DLGAP2: variants seen among roughly 807,000 people sequenced by gnomAD.
The protein encoded by DLGAP2 is DLG associated protein 2.
DLGAP2 carries 26 observed loss-of-function variants against 100.3 expected under a neutral mutation model. That is an observed-to-expected ratio of 0.26 (90% CI 0.19 to 0.36). The LOEUF is 0.36. Among genes scored for constraint, DLGAP2 ranks in the 10% least tolerant of loss-of-function variants. DLGAP2 has a pLI of 1.00. For missense variants in DLGAP2, 1,858 were observed against 1,453.2 expected, an observed-to-expected ratio of 1.28 and a Z score of -4.53; for synonymous variants, 886 against 630.1, an observed-to-expected ratio of 1.41 and a Z score of -6.08.
At chr8:1,537,733 GGAAGGAA>G (rs1801203461) in intron 4 of DLGAP2, among the ~76,000 whole-genome samples, 1 of 15,774 alleles carries the variant, frequency 6.3e-5, no homozygotes, top group Non-Finnish European at 1.5e-4. Flanking sequence ...AAGGATGGAA[GGAAGGAA>G]GGAAGGAAGG....
At chr8:744,969 C>A (rs929993622) in intron 1 of DLGAP2, among the ~76,000 whole-genome samples, 1 of 152,128 alleles carries the variant, frequency 6.6e-6, no homozygotes, top group Non-Finnish European at 1.5e-5. Flanking sequence ...GCAGAGATGG[C>A]GGGAAGGGGT....
chr8:786,103 G>A (rs1821855002), intron 1 of DLGAP2, among the ~76,000 whole-genome samples: 1 of 152,218 alleles, frequency 6.6e-6, no homozygotes, highest in African/African-American at 2.4e-5. Flanking sequence ...GCCCCTTTGC[G>A]AAACACCCAT....
At chr8:1,516,785 CAGTG>C (rs935067200) in intron 4 of DLGAP2, among the ~76,000 whole-genome samples, 21 of 151,862 alleles carry the variant, frequency 1.4e-4, no homozygotes, top group South Asian at 6.3e-4. Flanking sequence ...GTGAGTGAAT[CAGTG>C]AGTGAGTGAG....
chr8:1,526,864 C>A (rs1392333349), intron 4 of DLGAP2, among the ~76,000 whole-genome samples: 1 of 152,198 alleles, frequency 6.6e-6, no homozygotes, highest in East Asian at 1.9e-4. Flanking sequence ...GGGCAGCCCT[C>A]CTGCAGCAGA....
chr8:1,407,700 C>T (rs1474481957), intron 3 of DLGAP2, among the ~76,000 whole-genome samples: 2 of 118,354 alleles, frequency 1.7e-5, no homozygotes, highest in African/African-American at 3.2e-5. Context: ...ACCTCCTCAT[C>T]CTCCAGAGTC....
chr8:1,388,101 CCG>C (rs1796260635), intron 3 of DLGAP2, among the ~76,000 whole-genome samples: 3 of 99,512 alleles, frequency 3.0e-5, no homozygotes, highest in Non-Finnish European at 7.4e-5. Flanking sequence ...AGAGCAGAGG[CCG>C]TGGATGGGGA....
At chr8:824,537 G>C (rs1322308484) in intron 1 of DLGAP2, among the ~76,000 whole-genome samples, 1 of 152,154 alleles carries the variant, frequency 6.6e-6, no homozygotes, top group Non-Finnish European at 1.5e-5. Context: ...TGAGGACCCA[G>C]TATTCGTGAC....
At chr8:1,416,061 T>G (rs1245396893) in intron 3 of DLGAP2, among the ~76,000 whole-genome samples, 1 of 152,210 alleles carries the variant, frequency 6.6e-6, no homozygotes, top group African/African-American at 2.4e-5. Context: ...TTTGACAGAC[T>G]TAAAGATGTT....
intron 2 of DLGAP2, among the ~76,000 whole-genome samples, chr8:1,148,993 C>T (rs1796652623): frequency 6.6e-6 from 1 of 152,116 alleles, no homozygotes; most frequent in Non-Finnish European, 1.5e-5. Context: ...AATTTATGTG[C>T]TTAATTGATC....
chr8:983,065 A>G (rs936363932), intron 2 of DLGAP2, among the ~76,000 whole-genome samples: 53 of 152,120 alleles, frequency 3.5e-4, no homozygotes, highest in Non-Finnish European at 4.3e-4. Context: ...TTCCTGCGGG[A>G]TAGGATCAGG....
intron 3 of DLGAP2, among the ~76,000 whole-genome samples, chr8:1,328,140 A>G (rs1247722126): frequency 6.6e-6 from 1 of 151,780 alleles, no homozygotes; most frequent in Admixed American, 6.6e-5. Flanking sequence ...CCCAGGTTCA[A>G]GCTATTCTCC....
chr8:1,319,595 C>T (rs1046120974), intron 3 of DLGAP2, among the ~76,000 whole-genome samples: 1 of 152,204 alleles, frequency 6.6e-6, no homozygotes, highest in African/African-American at 2.4e-5. Context: ...GGAAGGTAGG[C>T]TTGCTGGACG....
chr8:1,133,688 C>G (rs1796343698), intron 2 of DLGAP2, among the ~76,000 whole-genome samples: 1 of 152,090 alleles, frequency 6.6e-6, no homozygotes, highest in Admixed American at 6.6e-5. Flanking sequence ...GTGAGGAATT[C>G]ATATTAATAT....
chr8:1,651,878 G>A (rs555064153), intron 8 of DLGAP2, among the ~76,000 whole-genome samples: 9 of 152,210 alleles, frequency 5.9e-5, no homozygotes, highest in Admixed American at 1.3e-4. Context: ...GGCAAGCCCC[G>A]CCTGCACCTC....
At chr8:831,848 C>T (rs1796790330) in intron 1 of DLGAP2, among the ~76,000 whole-genome samples, 1 of 152,050 alleles carries the variant, frequency 6.6e-6, no homozygotes, top group African/African-American at 2.4e-5. Flanking sequence ...AAAAGTGTTC[C>T]TATTTCTCCA....
chr8:1,679,486 C>T (rs1369730273), intron 12 of DLGAP2, among the ~76,000 whole-genome samples: 2 of 151,114 alleles, frequency 1.3e-5, no homozygotes, highest in East Asian at 2.0e-4. Flanking sequence ...ATGAGAAGGC[C>T]GTGTCATTCC....
rs138861100 is a variant in DLGAP2 at position 1,600,809 on chromosome 8, G to A, written c.1443-25931G>A. 1.7e-3 allele frequency among the ~76,000 whole-genome samples: 254 copies of A among 152,132 alleles called. 2 individuals are homozygous for A. In the East Asian group the frequency reaches 0.031, roughly 19 times the overall value. ...TCAAGGTTCTTAGCTTCCTTGTGTT[G>A]GGTTAGAACATACTCCTTTAGCTTG... On this transcript the variant is annotated intron_variant, in intron 6 of 14. Transcript: ENST00000637795.
rs561727151 is a variant in DLGAP2, at chr8:1,694,745, C to T, written c.2797-2402C>T. On this transcript the variant is annotated intron_variant, in intron 13 of 14. Transcript: ENST00000637795. ...ACCGAAGTTCCTATCCAATGGACGC[C>T]GGATGCCAGAGCCACAGAGCTGTGT... Among the ~76,000 whole-genome samples the T allele has an allele frequency of 4.6e-3, 701 of 152,254 alleles. 9 individuals are homozygous for T. The highest frequency in any genetic ancestry group is 6.8e-3 in the Middle Eastern group (2 of 294).
intron 2 of DLGAP2, among the ~76,000 whole-genome samples, chr8:951,689 T>C (rs913466653): frequency 1.3e-5 from 2 of 152,220 alleles, no homozygotes; most frequent in South Asian, 4.1e-4. Context: ...TGCTGGGACA[T>C]GTCCAGGTGC....
Sources: gnomAD v4.1 joint callset for allele counts (sites outside exome capture counted in the v4.1 genomes callset) on GRCh38, gnomAD v4.1.1 for gene constraint, MANE v1.5 for transcripts, NCBI Gene and HGNC (gene_info 2026-07-23, HGNC 2026-07-21) for gene names.